The following FRMD4B variants were observed in gnomAD, a reference collection of about 807,000 sequenced individuals.
FRMD4B encodes FERM domain containing 4B, also known as FERM domain-containing protein 4B.
Under a neutral mutation model 141.5 loss-of-function variants are expected in FRMD4B, and 74 were observed. The ratio of observed to expected loss-of-function variants is 0.52; its 90% CI spans 0.43 to 0.63. The LOEUF is 0.63. FRMD4B is among the 30% of genes least tolerant of loss of function. The pLI is 0.00. For missense variants in FRMD4B, 1,366 were observed against 1,253.4 expected (o/e 1.09, Z -1.36); for synonymous variants, 506 against 467.9 (o/e 1.08, Z -1.05).
chr3:69,373,691 C>A (rs1467268952), intron 1 of FRMD4B, among the ~76,000 whole-genome samples: 1 of 152,088 alleles, frequency 6.6e-6, no homozygotes. Flanking sequence ...TGGGCAACAA[C>A]AAGATCCCAT....
In FRMD4B at chr3:69,316,119, T is replaced by G. The variant is rs188788293; in HGVS notation, c.163-2602A>C. On this transcript the variant is annotated intron_variant, in intron 1 of 22. Coordinates refer to ENST00000398540, the MANE Select transcript of FRMD4B (RefSeq NM_015123.3). ...TTTATAGTTTTGATCGAACTCTGCTTTAAGAGTCTGAAAACTAGCTCAGCT... is the reference window on the plus strand; with the variant it reads ...TTTATAGTTTTGATCGAACTCTGCTGTAAGAGTCTGAAAACTAGCTCAGCT... Among the ~76,000 whole-genome samples, 138 of 152,328 alleles carry G rather than the reference T, an allele frequency of 9.1e-4. 1 individual carries two copies. Among genetic ancestry groups the G allele is most frequent in the Non-Finnish European group, 4.0e-4 (27 of 68,020 alleles).
At chr3:69,420,426 G>A (rs561027007) in intron 2 of FRMD4B, among the ~76,000 whole-genome samples, 19 of 152,076 alleles carry the variant, frequency 1.2e-4, no homozygotes, top group African/African-American at 3.6e-4. Context: ...CAAAGTAAGC[G>A]TTTTAACACT....
chr3:69,239,558 G>A lies in FRMD4B; in HGVS notation c.581+9668C>T, dbSNP rs573810348. ...TGGGTAGAAGAAATATCATCCATAA[G>A]AATGACTTAGGTTGGGAAGCAGGTT... On this transcript the variant is annotated intron_variant, in intron 7 of 22. Transcript: ENST00000398540. Among the ~76,000 whole-genome samples the A allele has an allele frequency of 1.6e-3, 249 of 152,198 alleles. 1 individual carries two copies. The highest frequency in any genetic ancestry group is 2.8e-3 in the Non-Finnish European group (192 of 68,006).
intron 4 of FRMD4B, among the ~76,000 whole-genome samples, chr3:69,297,896 C>T (rs1031721450): frequency 3.5e-5 from 5 of 142,784 alleles, no homozygotes; most frequent in African/African-American, 1.1e-4. Context: ...ATATTTAGCA[C>T]ACCTCTTTGA....
intron 16 of FRMD4B, 49 bp from the exon 17 acceptor site, chr3:69,193,922 C>G (rs748380225): frequency 3.6e-6 from 4 of 1,118,776 alleles, no homozygotes; most frequent in East Asian, 2.4e-5. Flanking sequence ...ATACAATCAA[C>G]TCTTACATGC....
chr3:69,242,695 G>GAA (rs534090647), intron 7 of FRMD4B, among the ~76,000 whole-genome samples: 1 of 124,670 alleles, frequency 8.0e-6, no homozygotes, highest in African/African-American at 2.9e-5. Flanking sequence ...AAAATCTTAG[G>GAA]AAAAAAAAAA....
At chr3:69,459,448 C>T (rs1705674340) in intron 1 of FRMD4B, among the ~76,000 whole-genome samples, 1 of 152,174 alleles carries the variant, frequency 6.6e-6, no homozygotes, top group Admixed American at 6.5e-5. Context: ...ATATGTACAC[C>T]TTAATCCTCT....
chr3:69,200,687 C>A, intron 11 of FRMD4B: 2 of 1,266,994 alleles, frequency 1.6e-6, no homozygotes, highest in Non-Finnish European at 2.0e-6. Flanking sequence ...AGAAAAGAGA[C>A]CTTTCTAAAA....
chr3:69,345,636 G>A (rs1470772320), intron 1 of FRMD4B, among the ~76,000 whole-genome samples: 3 of 151,962 alleles, frequency 2.0e-5, no homozygotes, highest in Admixed American at 2.0e-4. Flanking sequence ...CTGAGACAAA[G>A]CCAAAGAAAC....
At position 69,180,962 on chromosome 3, in the gene FRMD4B, G is replaced by C; in HGVS notation, c.2788C>G (p.Leu930Val). ...FDSDRGSQRC[L>V]GFAGLQVPCS... is the part of the protein sequence containing the mutation. ...GGTACTTGCAGCCCCGCAAACCCCA[G>C]GCATCTCTGTGATCCCCTGTCTGAG... Residue 930 changes from leucine (L) to valine (V), a missense_variant, in exon 21 of 23, where the codon CTG (leucine) becomes GTG (valine). Transcript: ENST00000398540. The C allele has an allele frequency of 1.2e-6, 2 of 1,613,862 alleles. No individual in the cohort carries two copies. The highest frequency in any genetic ancestry group is 1.1e-5 in the South Asian group (1 of 91,082).
chr3:69,247,410 A>T (rs939664264), intron 7 of FRMD4B, among the ~76,000 whole-genome samples: 2 of 152,140 alleles, frequency 1.3e-5, no homozygotes, highest in African/African-American at 2.4e-5. Flanking sequence ...GTTTTTTAAA[A>T]ATCACCCCCA....
rs1332852534 is a variant in FRMD4B at position 69,340,580 on chromosome 3, C to A, written c.163-27063G>T. Among the ~76,000 whole-genome samples, 4 of 152,194 alleles carry A rather than the reference C, an allele frequency of 2.6e-5. No homozygotes were observed. The East Asian group carries it at 7.7e-4, about 29-fold the overall frequency. Reference sequence around the variant, plus strand: ...AGAACACCCAGGGTTCAAATCATGGCTTAGATGCTTTGCTAGTGTCACCAC... The same window carrying A: ...AGAACACCCAGGGTTCAAATCATGGATTAGATGCTTTGCTAGTGTCACCAC... On this transcript the variant is annotated intron_variant, in intron 1 of 22. Coordinates refer to ENST00000398540, the MANE Select transcript of FRMD4B (RefSeq NM_015123.3).
intron 5 of FRMD4B, among the ~76,000 whole-genome samples, chr3:69,273,968 T>A (rs1047978588): frequency 6.7e-6 from 1 of 149,976 alleles, no homozygotes; most frequent in Non-Finnish European, 1.5e-5. Flanking sequence ...AGAGCTGAAT[T>A]CAAAAGGATG....
chr3:69,233,397 T>A (rs535596918), intron 7 of FRMD4B, among the ~76,000 whole-genome samples: 265 of 150,152 alleles, frequency 1.8e-3, no homozygotes, highest in African/African-American at 6.2e-3. Context: ...GTTGGGAGAA[T>A]CACCTGAGGC....
At chr3:69,459,672 GC>G (rs1164919685) in intron 1 of FRMD4B, among the ~76,000 whole-genome samples, 1 of 152,164 alleles carries the variant, frequency 6.6e-6, no homozygotes, top group Non-Finnish European at 1.5e-5. Context: ...ACCAATCCCT[GC>G]CTCGGTTTTC....
At chr3:69,201,870 A>G (rs1201589365) in intron 11 of FRMD4B, among the ~76,000 whole-genome samples, 1 of 152,134 alleles carries the variant, frequency 6.6e-6, no homozygotes, top group Non-Finnish European at 1.5e-5. Context: ...TAGAAGATAA[A>G]TAAAAGGCAC....
chr3:69,535,847 T>C, intron 1 of FRMD4B: 1 of 462,990 alleles, frequency 2.2e-6, no homozygotes, highest in Non-Finnish European at 4.4e-6. Context: ...TTAGGAGCCT[T>C]GGTCTTGGCT....
chr3:69,201,061 A>G (rs888655200), intron 11 of FRMD4B, among the ~76,000 whole-genome samples: 1 of 152,374 alleles, frequency 6.6e-6, no homozygotes. Context: ...GAAGGACTTC[A>G]GCTTAGAGAA....
intron 5 of FRMD4B, among the ~76,000 whole-genome samples, chr3:69,284,937 G>A (rs376572746): frequency 1.2e-4 from 18 of 152,202 alleles, no homozygotes; most frequent in African/African-American, 9.7e-5. Flanking sequence ...TGAGGTGGGA[G>A]GATCACCTGA....
Sources: gnomAD v4.1 joint callset for allele counts (sites outside exome capture counted in the v4.1 genomes callset) on GRCh38, gnomAD v4.1.1 for gene constraint, MANE v1.5 for transcripts, NCBI Gene and HGNC (gene_info 2026-07-23, HGNC 2026-07-21) for gene names.